CARS2: variants seen among roughly 807,000 people sequenced by gnomAD.
The protein encoded by CARS2 is cysteinyl-tRNA synthetase 2, mitochondrial.
CARS2 carries 52 observed loss-of-function variants against 68.8 expected under a neutral mutation model. The ratio of observed to expected loss-of-function variants is 0.76; its 90% CI spans 0.61 to 0.95. The LOEUF (loss-of-function observed/expected upper bound fraction) is 0.95, where lower values mean the gene tolerates loss of function less well. Among genes scored for constraint, CARS2 ranks in the 40% least tolerant of loss-of-function variants. The probability of loss-of-function intolerance (pLI) is 0.00; values close to 1 mark genes in which losing one functional copy is unlikely to be tolerated. For synonymous variants in CARS2, 314 were observed against 303.6 expected, an observed-to-expected ratio of 1.03 and a Z score of -0.36; for missense variants, 780 against 754.2, an observed-to-expected ratio of 1.03 and a Z score of -0.40.
chr13:110,652,884 T>G (rs2062256321), intron 9 of CARS2, among the ~76,000 whole-genome samples: 1 of 152,102 alleles, frequency 6.6e-6, no homozygotes, highest in Non-Finnish European at 1.5e-5. Context: ...GGGTATTTCC[T>G]TCGATGGTCA....
chr13:110,694,120 C>T (rs1308845524), intron 3 of CARS2, among the ~76,000 whole-genome samples: 1 of 151,952 alleles, frequency 6.6e-6, no homozygotes, highest in Non-Finnish European at 1.5e-5. Flanking sequence ...CTCTGCCTCC[C>T]AGGTTTAAGT....
intron 10 of CARS2, chr13:110,649,015 A>G (rs1220962521): frequency 6.6e-6 from 1 of 152,268 alleles, no homozygotes; most frequent in South Asian, 2.1e-4. Flanking sequence ...GCGCTCGCAC[A>G]CGGGATTCAT....
intron 12 of CARS2, 189 bp downstream of exon 12, chr13:110,645,778 G>A: frequency 1.5e-6 from 1 of 688,380 alleles, no homozygotes; most frequent in Non-Finnish European, 2.3e-6. Flanking sequence ...GGCCCGGGAG[G>A]GTCAAGCCCC....
intron 3 of CARS2, among the ~76,000 whole-genome samples, chr13:110,691,987 G>GAAAAAAAAAAA (rs36121848): frequency 1.3e-5 from 1 of 76,860 alleles, no homozygotes; most frequent in African/African-American, 5.3e-5. Context: ...AAGCTGTGCA[G>GAAAAAAAAAAA]AAAAAAAAAA....
In CARS2 at chr13:110,649,931, C is replaced by CTGTT. The variant is rs1249270267; in HGVS notation, c.1054+1102_1054+1103insAACA. Among the ~76,000 whole-genome samples the CTGTT allele has an allele frequency of 4.2e-4, 31 of 73,144 alleles. 2 individuals are homozygous for CTGTT. Among genetic ancestry groups the CTGTT allele is most frequent in the African/African-American group, 1.2e-3 (24 of 19,266 alleles). The allele number at this position is 73,144 out of a possible 152,430, so 48.0% of individuals were successfully genotyped here. A position where few individuals can be genotyped will look rare whatever the true frequency, so the allele number is the denominator to read the frequency against. On this transcript the variant is annotated intron_variant, in intron 10 of 14. Coordinates refer to ENST00000257347, the MANE Select transcript of CARS2 (RefSeq NM_024537.4). ...CCAGGGATGCAGCTCTGGATAACGA[C>CTGTT]TTTTTTTTTTTTTTTTTTTTTTTTG...
At position 110,713,284 on chromosome 13, in the gene CARS2, T is replaced by C. The variant is rs2064059038; in HGVS notation, n.252A>G. 3.1e-6 allele frequency: 4 copies of C among 1,281,182 alleles called. No homozygotes were observed. The South Asian group carries it at 6.7e-5, about 21-fold the overall frequency. The allele number at this position is 1,281,182 out of a possible 1,614,324, so 79.4% of individuals were successfully genotyped here. ...AAGAGTCAGGGGCTGAGGAGCGAGT[T>C]GCGGTAGTTGCTGTGTACCATGGTC... On this transcript the variant is annotated non_coding_transcript_exon_variant, in exon 1 of 3. Coordinates refer to the CARS2 transcript ENST00000485188.
intron 3 of CARS2, among the ~76,000 whole-genome samples, chr13:110,693,705 A>T (rs2063541206): frequency 6.6e-6 from 1 of 152,036 alleles, no homozygotes; most frequent in Admixed American, 6.6e-5. Flanking sequence ...ATTTAACCTG[A>T]AACATATGAT....
chr13:110,645,615 A>G (rs1207730744), intron 12 of CARS2: 4 of 198,586 alleles, frequency 2.0e-5, no homozygotes, highest in Admixed American at 6.1e-5. Flanking sequence ...CTTGGGGTAA[A>G]TGGGTCTTTC....
chr13:110,667,656 G>A (rs1051686436), intron 7 of CARS2, among the ~76,000 whole-genome samples, 183 bp from the exon 8 acceptor site: 5 of 152,162 alleles, frequency 3.3e-5, no homozygotes, highest in Non-Finnish European at 5.9e-5. Context: ...TCACAAGCCC[G>A]TAATTCATGA....
chr13:110,712,642 G>C (rs757525528), intron 1 of CARS2: 2 of 575,158 alleles, frequency 3.5e-6, no homozygotes, highest in Non-Finnish European at 3.3e-6. Flanking sequence ...GGGGCGACGC[G>C]GGGGAGGGCG....
At chr13:110,678,820 C>A (rs559701050) in intron 6 of CARS2, among the ~76,000 whole-genome samples, 20 of 151,938 alleles carry the variant, frequency 1.3e-4, no homozygotes, top group African/African-American at 4.8e-4. Flanking sequence ...AGGGAAAAAG[C>A]GGACCTGGAG....
intron 3 of CARS2, chr13:110,697,987 C>A (rs1320560804): frequency 2.2e-6 from 1 of 455,674 alleles, no homozygotes; most frequent in Non-Finnish European, 4.4e-6. Flanking sequence ...AAGAGAAGAG[C>A]TCTGTTCACT....
intron 9 of CARS2, among the ~76,000 whole-genome samples, chr13:110,659,583 G>A (rs890040646): frequency 7.2e-5 from 11 of 151,766 alleles, no homozygotes; most frequent in Non-Finnish European, 1.0e-4. Flanking sequence ...ACAATAAAGC[G>A]AATATCACAA....
rs748996703 is a variant in CARS2, at chr13:110,642,330, G to A, written c.1608C>T (p.His536=). The A allele has an allele frequency of 6.6e-5, 102 of 1,550,246 alleles. No individual in the cohort carries two copies. Among genetic ancestry groups the A allele is most frequent in the Non-Finnish European group, 7.9e-5 (91 of 1,146,686 alleles). Reference sequence around the variant, plus strand: ...CGGCACTCACCTTGATGTTGATGCCGTGGGCAGTCAGGCCCCGGCGCAGGG... The same window carrying A: ...CGGCACTCACCTTGATGTTGATGCCATGGGCAGTCAGGCCCCGGCGCAGGG... ...CDTLRRGLTA[H]GINIKDRSST... The change falls in exon 14 of 15, where the codon CAC becomes CAT. Residue 536 remains histidine, a synonymous_variant. Transcript: ENST00000257347.
intron 12 of CARS2, 136 bp downstream of exon 12, chr13:110,645,831 C>A: frequency 8.5e-7 from 1 of 1,179,440 alleles, no homozygotes; most frequent in Non-Finnish European, 1.2e-6. Context: ...ACTCGGGCTC[C>A]ATGAGTTCCT....
intron 9 of CARS2, among the ~76,000 whole-genome samples, chr13:110,652,843 G>A (rs2062255053): frequency 6.6e-6 from 1 of 152,204 alleles, no homozygotes; most frequent in South Asian, 2.1e-4. Context: ...CAACAGTTAT[G>A]TGTTTATTTC....
In CARS2 at chr13:110,705,917, G is replaced by A. The variant is rs1410571191; in HGVS notation, c.177C>T (p.Thr59=). The A allele has an allele frequency of 3.8e-6, 6 of 1,575,462 alleles. No individual in the cohort carries two copies. Among genetic ancestry groups the A allele is most frequent in the Non-Finnish European group, 4.3e-6 (5 of 1,162,982 alleles). Residue 59 remains threonine, a synonymous_variant, in exon 1 of 15, where the codon ACC becomes ACT. Coordinates refer to ENST00000257347, the MANE Select transcript of CARS2 (RefSeq NM_024537.4). The surrounding 1 kb of genome is among the most constrained non-coding windows in gnomAD (Gnocchi z 4.0). ...ETGVQVYNSL[T]GRKEPLIVAH... ...CCACGATTAGGGGTTCCTTCCTCCC[G>A]GTGAGGCTGTTGTACACCTGCACAC...
Position 110,647,099 on chromosome 13 carries a change from AC to A in CARS2, c.1193+1del. 1 of 1,577,716 alleles carries A rather than the reference AC, an allele frequency of 6.3e-7. No homozygotes were observed. Among genetic ancestry groups the A allele is most frequent in the Non-Finnish European group, 8.6e-7 (1 of 1,162,400 alleles). ...ACGCCGGGTGCTAGGCGGGCCTCTT[AC>A]CTCTCCCACAGCATCGCTTCCCTGA... On this transcript the variant is annotated splice_donor_variant, in intron 11 of 14. Coordinates refer to ENST00000257347, the MANE Select transcript of CARS2 (RefSeq NM_024537.4). LOFTEE classifies it high-confidence loss of function.
At position 110,705,686 on chromosome 13, in the gene CARS2, C is replaced by G; in HGVS notation, c.225-115G>C. 6.8e-7 allele frequency: 1 copy of G among 1,480,392 alleles called. No individual in the cohort carries two copies. Among genetic ancestry groups the G allele is most frequent in the Non-Finnish European group, 9.2e-7 (1 of 1,082,042 alleles). The allele number at this position is 1,480,392 out of a possible 1,614,324, so 91.7% of individuals were successfully genotyped here. A position where few individuals can be genotyped will look rare whatever the true frequency, so the allele number is the denominator to read the frequency against. On this transcript the variant is annotated intron_variant, in intron 1 of 14. Transcript: ENST00000257347. This position sits in a 1 kb window ranked among gnomAD's most constrained non-coding sequence, Gnocchi z 4.0. Reference sequence around the variant, plus strand: ...GTAATCACTTCTGGGGGATGAATAGCCGGGGTTTTCATACTTGCTCAATTC... The same window carrying G: ...GTAATCACTTCTGGGGGATGAATAGGCGGGGTTTTCATACTTGCTCAATTC...
Sources: allele counts gnomAD v4.1 joint callset (sites outside exome capture counted in the v4.1 genomes callset), GRCh38; gene constraint gnomAD v4.1.1; non-coding constraint Gnocchi (gnomAD v3.1); transcripts MANE v1.5; gene names NCBI Gene and HGNC (gene_info 2026-07-23, HGNC 2026-07-21).